ZNF717: variants seen among roughly 807,000 people sequenced by gnomAD.
The protein encoded by ZNF717 is zinc finger protein 717.
Under a neutral mutation model 13.8 loss-of-function variants are expected in ZNF717, and 9 were observed. The ratio of observed to expected loss-of-function variants is 0.65; its 90% CI spans 0.39 to 1.14. ZNF717 has a LOEUF of 1.14. Among genes scored for constraint, ZNF717 ranks in the 50% most tolerant of loss-of-function variants. ZNF717 has a pLI of 0.01. For missense variants in ZNF717, 1,040 were observed against 1,080.7 expected (o/e 0.96, Z 0.53); for synonymous variants, 327 against 364.1 (o/e 0.90, Z 1.16).
downstream of ZNF717, among the ~76,000 whole-genome samples, chr3:75,726,174 T>C (rs1938274967): frequency 6.6e-6 from 1 of 152,290 alleles, no homozygotes; most frequent in African/African-American, 2.4e-5. Context: ...TGAAGATCAC[T>C]AGGCATTTGT....
Position 75,738,963 on chromosome 3 carries a change from CGTGTTGAAGGTTT to C in ZNF717, c.647_659del (p.Lys216ArgfsTer13), listed in dbSNP as rs1559602640. ...TCTTATGTATAAAGAACATTGCCTC[CGTGTTGAAGGTTT>C]TCCCTTGTTCATTACATTGAAAAGT... On this transcript the variant is annotated frameshift_variant, in exon 5 of 5. Coordinates refer to ENST00000652011, the MANE Select transcript of ZNF717 (RefSeq NM_001290208.3). LOFTEE classifies it low-confidence loss of function (END_TRUNC). The C allele has an allele frequency of 8.9e-7, 1 of 1,128,536 alleles. No individual in the cohort carries two copies. Among genetic ancestry groups the C allele is most frequent in the Admixed American group, 3.0e-5 (1 of 33,650 alleles). The allele number at this position is 1,128,536 out of a possible 1,614,324, so 69.9% of individuals were successfully genotyped here.
chr3:75,734,069 ATTTT>A (rs1395113105), downstream of ZNF717, among the ~76,000 whole-genome samples: 2 of 151,964 alleles, frequency 1.3e-5, no homozygotes, highest in East Asian at 3.9e-4. Flanking sequence ...CATTTTATTT[ATTTT>A]TATTTATTTA....
rs186706183 is a variant in ZNF717 at position 75,738,574 on chromosome 3, C to G, written c.1049G>C (p.Arg350Pro). Reference sequence around the variant, plus strand: ...CTCATGTAAAGTGAGGAATGACTTACGGCGAAAGGTTTTACCACATTCATT... The same window carrying G: ...CTCATGTAAAGTGAGGAATGACTTAGGGCGAAAGGTTTTACCACATTCATT... ...GCNECGKTFR[R>P]KSFLTLHERT... Residue 350 changes from arginine (R) to proline (P), a missense_variant, in exon 5 of 5, where the codon CGT becomes CCT. Physicochemically the swap from Arg to Pro is moderately radical, Grantham distance 103 (BLOSUM62 -2). Coordinates refer to ENST00000652011, the MANE Select transcript of ZNF717 (RefSeq NM_001290208.3). 1 of 1,539,842 alleles carries G rather than the reference C, an allele frequency of 6.5e-7. No individual in the cohort carries two copies. Among genetic ancestry groups the G allele is most frequent in the Non-Finnish European group, 8.8e-7 (1 of 1,139,750 alleles).
At chr3:75,695,195 C>G (rs1937590663) in intron 6 of ZNF717, among the ~76,000 whole-genome samples, 1 of 152,054 alleles carries the variant, frequency 6.6e-6, no homozygotes, top group Admixed American at 6.5e-5. Context: ...ATACTTATAC[C>G]AGACAAACAT....
At chr3:75,700,107 T>C in intron 6 of ZNF717, among the ~76,000 whole-genome samples, 1 of 152,310 alleles carries the variant, frequency 6.6e-6, no homozygotes, top group African/African-American at 2.4e-5. Flanking sequence ...TCTATCAAAA[T>C]AACAGGCCAG....
intron 2 of ZNF717, among the ~76,000 whole-genome samples, chr3:75,760,926 C>T (rs190792131): frequency 2.2e-4 from 34 of 151,740 alleles, no homozygotes; most frequent in African/African-American, 8.2e-4. Flanking sequence ...AGAGAAATCT[C>T]AAATACTAAA....
chr3:75,753,972 A>T (rs1942231413), intron 2 of ZNF717, among the ~76,000 whole-genome samples: 1 of 152,032 alleles, frequency 6.6e-6, no homozygotes, highest in South Asian at 2.1e-4. Flanking sequence ...CGAGGGTCTG[A>T]ATGTTTTTCC....
chr3:75,709,332 G>C (rs527629245), downstream of ZNF717, among the ~76,000 whole-genome samples: 1 of 152,008 alleles, frequency 6.6e-6, no homozygotes, highest in Non-Finnish European at 1.5e-5. Context: ...GAACTCACAT[G>C]AACTCTGGGT....
chr3:75,734,795 T>TTATA (rs1295066161), downstream of ZNF717, among the ~76,000 whole-genome samples: 74 of 85,436 alleles, frequency 8.7e-4, 1 homozygote, highest in African/African-American at 3.2e-3. Context: ...ATGTATGCAA[T>TTATA]TATATATATA....
chr3:75,764,990 G>GATATATATATATATATATATATATAT (rs71101852), intron 2 of ZNF717, among the ~76,000 whole-genome samples: 23 of 102,336 alleles, frequency 2.2e-4, no homozygotes, highest in Non-Finnish European at 3.3e-4. Context: ...TAAACAAAAG[G>GATATATATATATATATATATATATAT]ATATATATAT....
At chr3:75,752,876 A>T (rs149126552) in intron 2 of ZNF717, among the ~76,000 whole-genome samples, 24 of 87,182 alleles carry the variant, frequency 2.8e-4, no homozygotes, top group East Asian at 2.0e-3. Context: ...GTGGTCTGAA[A>T]GTTTGTCCCT....
intron 4 of ZNF717, among the ~76,000 whole-genome samples, chr3:75,719,998 A>AATAATAATC (rs1404380925): frequency 6.9e-6 from 1 of 144,736 alleles, no homozygotes; most frequent in African/African-American, 2.6e-5. Flanking sequence ...TAATAATAAT[A>AATAATAATC]ACCACGGATT....
At chr3:75,759,359 T>C (rs1477411489) in intron 2 of ZNF717, among the ~76,000 whole-genome samples, 11 of 150,318 alleles carry the variant, frequency 7.3e-5, no homozygotes, top group African/African-American at 2.7e-4. Flanking sequence ...CACTGCAAGC[T>C]CCACCTCCCG....
At chr3:75,708,268 C>T (rs1222186962), downstream of ZNF717, among the ~76,000 whole-genome samples, 1 of 152,294 alleles carries the variant, frequency 6.6e-6, no homozygotes, top group Non-Finnish European at 1.5e-5. Context: ...GAGGAATGAT[C>T]AGGCAGCAGC....
downstream of ZNF717, among the ~76,000 whole-genome samples, chr3:75,706,955 C>T (rs1575713887): frequency 6.6e-6 from 1 of 152,302 alleles, no homozygotes; most frequent in African/African-American, 2.4e-5. Context: ...GAATGCCTGA[C>T]CTCTTACTGG....
chr3:75,706,691 G>A (rs1193837017), downstream of ZNF717, among the ~76,000 whole-genome samples: 1 of 152,302 alleles, frequency 6.6e-6, no homozygotes, highest in Non-Finnish European at 1.5e-5. Context: ...AAAGTGATAG[G>A]GTCTGATACT....
chr3:75,712,712 A>G (rs76089290), intron 5 of ZNF717, among the ~76,000 whole-genome samples: 1 of 152,004 alleles, frequency 6.6e-6, no homozygotes, highest in South Asian at 2.1e-4. Context: ...ACCTTCTCCT[A>G]TCTCCATCTC....
At chr3:75,761,382 T>G (rs1285903808) in intron 2 of ZNF717, among the ~76,000 whole-genome samples, 1 of 152,244 alleles carries the variant, frequency 6.6e-6, no homozygotes, top group East Asian at 1.9e-4. Context: ...AACTCCTCAG[T>G]AAATAAAGAT....
At chr3:75,770,565 G>GA (rs913259945) in intron 2 of ZNF717, among the ~76,000 whole-genome samples, 105 of 150,842 alleles carry the variant, frequency 7.0e-4, no homozygotes, top group African/African-American at 2.3e-3. Context: ...TGTCTCAAAA[G>GA]AAAAAAAAAT....
Sources: allele counts gnomAD v4.1 joint callset (sites outside exome capture counted in the v4.1 genomes callset), GRCh38; gene constraint gnomAD v4.1.1; transcripts MANE v1.5; gene names NCBI Gene and HGNC (gene_info 2026-07-23, HGNC 2026-07-21).